ITPR3: variants seen among roughly 807,000 people sequenced by gnomAD.
ITPR3 encodes the protein inositol 1,4,5-trisphosphate receptor type 3.
Under a neutral mutation model 293.2 loss-of-function variants are expected in ITPR3, and 173 were observed. That is an observed-to-expected ratio of 0.59 (90% CI 0.52 to 0.67). The LOEUF (loss-of-function observed/expected upper bound fraction) is 0.67. Among genes scored for constraint, ITPR3 ranks in the 30% least tolerant of loss-of-function variants. The pLI, the probability that ITPR3 is intolerant of heterozygous loss-of-function variation, is 0.00. For synonymous variants in ITPR3, 1,295 were observed against 1,444.4 expected, an observed-to-expected ratio of 0.90 and a Z score of 2.35; for missense variants, 2,796 against 3,592.1, an observed-to-expected ratio of 0.78 and a Z score of 5.66.
chr6:33,670,283 G>T lies in ITPR3; in HGVS notation c.2190-42G>T, dbSNP rs368022335. 50 of 1,610,230 alleles carry T rather than the reference G, an allele frequency of 3.1e-5. No individual in the cohort carries two copies. Among genetic ancestry groups the T allele is most frequent in the Non-Finnish European group, 3.1e-5 (36 of 1,177,890 alleles). On this transcript the variant is annotated intron_variant, in intron 18 of 57. Coordinates refer to ENST00000605930, the MANE Select transcript of ITPR3 (RefSeq NM_002224.4). The surrounding 1 kb of genome is among the most constrained non-coding windows in gnomAD (Gnocchi z 6.7). ...AGTGCCCAGTGCCAGCAGCCTCCCGGCTGCCATCTGCCGTGTCCTCACAGT... is the reference window on the plus strand; with the variant it reads ...AGTGCCCAGTGCCAGCAGCCTCCCGTCTGCCATCTGCCGTGTCCTCACAGT...
chr6:33,630,962 G>A (rs541078120), intron 1 of ITPR3, among the ~76,000 whole-genome samples: 10 of 152,348 alleles, frequency 6.6e-5, no homozygotes, highest in Admixed American at 6.5e-4. Flanking sequence ...TTTCTCTGAT[G>A]AGCCAGGAGC....
chr6:33,670,224 C>A lies in ITPR3; in HGVS notation c.2190-101C>A, dbSNP rs1764718149. ...GCAGCTGGCGCATCTTTAACCTAAT[C>A]CCTTTGCCACTTTACTGAGTCCTCA... On this transcript the variant is annotated intron_variant, in intron 18 of 57. Coordinates refer to ENST00000605930, the MANE Select transcript of ITPR3 (RefSeq NM_002224.4). The surrounding 1 kb of genome is among the most constrained non-coding windows in gnomAD (Gnocchi z 6.7). The A allele has an allele frequency of 1.4e-5, 18 of 1,283,700 alleles. No individual in the cohort carries two copies. In the Admixed American group the frequency reaches 2.9e-4, roughly 21 times the overall value. The allele number at this position is 1,283,700 out of a possible 1,614,324, so 79.5% of individuals were successfully genotyped here.
intron 1 of ITPR3, among the ~76,000 whole-genome samples, chr6:33,635,539 G>A (rs1290677570): frequency 1.3e-5 from 2 of 152,214 alleles, no homozygotes; most frequent in Non-Finnish European, 2.9e-5. Flanking sequence ...CATGGGGTCA[G>A]GCTAAGGGAT....
chr6:33,668,766 G>T, intron 17 of ITPR3, 132 bp downstream of exon 17: 1 of 1,428,990 alleles, frequency 7.0e-7, no homozygotes. Flanking sequence ...CTCTGTGCCT[G>T]TTATGTGCCC....
Position 33,670,208 on chromosome 6 carries a change from G to T in ITPR3, c.2190-117G>T. 5.7e-6 allele frequency: 6 copies of T among 1,059,844 alleles called. No individual in the cohort carries two copies. Among genetic ancestry groups the T allele is most frequent in the Non-Finnish European group, 8.4e-6 (6 of 716,864 alleles). The allele number at this position is 1,059,844 out of a possible 1,614,324, so 65.7% of individuals were successfully genotyped here. A position where few individuals can be genotyped will look rare whatever the true frequency, so the allele number is the denominator to read the frequency against. On this transcript the variant is annotated intron_variant, in intron 18 of 57. Transcript: ENST00000605930. This position sits in a 1 kb window ranked among gnomAD's most constrained non-coding sequence, Gnocchi z 6.7. Reference sequence around the variant, plus strand: ...TTTCTAACTCAGAATTGCAGCTGGCGCATCTTTAACCTAATCCCTTTGCCA... The same window carrying T: ...TTTCTAACTCAGAATTGCAGCTGGCTCATCTTTAACCTAATCCCTTTGCCA...
In ITPR3 at chr6:33,632,496, C is replaced by A. The variant is rs1421155725; in HGVS notation, c.90-7988C>A. On this transcript the variant is annotated intron_variant, in intron 1 of 57. Coordinates refer to ENST00000605930, the MANE Select transcript of ITPR3 (RefSeq NM_002224.4). The surrounding 1 kb of genome is among the most constrained non-coding windows in gnomAD (Gnocchi z 4.1). ...AAAGTCCACGCAGGGTGGAATGGGGCAGAATGGGATGCAGCTGTCTTCCTC... is the reference window on the plus strand; with the variant it reads ...AAAGTCCACGCAGGGTGGAATGGGGAAGAATGGGATGCAGCTGTCTTCCTC... Among the ~76,000 whole-genome samples, 1 of 152,202 alleles carries A rather than the reference C, an allele frequency of 6.6e-6. No individual in the cohort carries two copies. The highest frequency in any genetic ancestry group is 2.4e-5 in the African/African-American group (1 of 41,450).
intron 2 of ITPR3, among the ~76,000 whole-genome samples, chr6:33,647,068 C>T (rs1336277059): frequency 1.3e-5 from 2 of 151,878 alleles, no homozygotes; most frequent in Non-Finnish European, 2.9e-5. Flanking sequence ...GCTTTGTTGC[C>T]CAGGTCAGAG....
Position 33,687,048 on chromosome 6 carries a change from C to T in ITPR3, c.6019C>T (p.Arg2007Trp), listed in dbSNP as rs577534374. ...SKLLLALMESRHDSENAERIL... is the reference protein window; with the variant it reads ...SKLLLALMESWHDSENAERIL... ...GCTGCTCCTGGCTCTGATGGAGAGCCGGCATGACAGTGAAAATGCTGAGCG... is the reference window on the plus strand; with the variant it reads ...GCTGCTCCTGGCTCTGATGGAGAGCTGGCATGACAGTGAAAATGCTGAGCG... The change falls in exon 44 of 58, where the codon CGG becomes TGG. Residue 2007 changes from arginine to tryptophan, a missense_variant. Coordinates refer to ENST00000605930, the MANE Select transcript of ITPR3 (RefSeq NM_002224.4). The surrounding 1 kb of genome is among the most constrained non-coding windows in gnomAD (Gnocchi z 5.3). 8.0e-5 allele frequency: 129 copies of T among 1,613,842 alleles called. 1 individual carries two copies. The South Asian group carries it at 8.0e-4, about 10-fold the overall frequency.
intron 30 of ITPR3, 21 bp downstream of exon 30, chr6:33,678,860 T>C (rs756628884): frequency 6.2e-7 from 1 of 1,601,162 alleles, no homozygotes; most frequent in South Asian, 1.1e-5. Flanking sequence ...GGCTGAGGGG[T>C]GCTCAGGCAT....
chr6:33,666,993 C>G lies in ITPR3; in HGVS notation c.1552-136C>G, dbSNP rs1764626376. On this transcript the variant is annotated intron_variant, in intron 14 of 57. Transcript: ENST00000605930. This position sits in a 1 kb window ranked among gnomAD's most constrained non-coding sequence, Gnocchi z 5.1. ...TGGCTGGGCTGGGGTTGTGGTCCAGCTTAGAATCAGCTCGAAGCTGATGTC... is the reference window on the plus strand; with the variant it reads ...TGGCTGGGCTGGGGTTGTGGTCCAGGTTAGAATCAGCTCGAAGCTGATGTC... 2 of 1,063,354 alleles carry G rather than the reference C, an allele frequency of 1.9e-6. No individual in the cohort carries two copies. Among genetic ancestry groups the G allele is most frequent in the Non-Finnish European group, 2.8e-6 (2 of 724,504 alleles). 65.9% of individuals were successfully genotyped at this position (1,063,354 alleles called of 1,614,324 possible).
chr6:33,689,782 C>G (rs759385697), intron 50 of ITPR3, among the ~76,000 whole-genome samples: 5 of 152,206 alleles, frequency 3.3e-5, no homozygotes, highest in Non-Finnish European at 5.9e-5. Context: ...CGAGGAATAC[C>G]TTTCCCTGAT....
At position 33,662,617 on chromosome 6, in the gene ITPR3, T is replaced by C. The variant is rs771271454; in HGVS notation, c.801T>C (p.Thr267=). The C allele has an allele frequency of 6.8e-6, 11 of 1,611,810 alleles. No individual in the cohort carries two copies. The Admixed American group carries it at 1.5e-4, about 22-fold the overall frequency. Residue 267 remains threonine (T), a synonymous_variant, in exon 8 of 58, where the codon ACT becomes ACC. Coordinates refer to ENST00000605930, the MANE Select transcript of ITPR3 (RefSeq NM_002224.4). ...GCAAGCTGCAGGTGTTCCTGCGAAC[T>C]ACACTGCGCCAGTCTGCCACCTCGG... ...YKGKLQVFLR[T]TLRQSATSAT...
Position 33,683,918 on chromosome 6 carries a change from C to CTG in ITPR3, c.4789-102_4789-101insTG. 1 of 1,323,480 alleles carries CTG rather than the reference C, an allele frequency of 7.6e-7. No individual in the cohort carries two copies. The highest frequency in any genetic ancestry group is 1.0e-6 in the Non-Finnish European group (1 of 964,826). 82.0% of individuals were successfully genotyped at this position (1,323,480 alleles called of 1,614,324 possible). A position where few individuals can be genotyped will look rare whatever the true frequency, so the allele number is the denominator to read the frequency against. On this transcript the variant is annotated intron_variant, in intron 35 of 57. Transcript: ENST00000605930. This position sits in a 1 kb window ranked among gnomAD's most constrained non-coding sequence, Gnocchi z 4.5. ...TGGGTGTGGGCCCCTCAGACAGAGG[C>CTG]AGGGCAATCTGTGGGGCTGTTTGGC... is the stretch of plus-strand genomic sequence containing the variant.
At position 33,670,431 on chromosome 6, in the gene ITPR3, G is replaced by T; in HGVS notation, c.2296G>T (p.Asp766Tyr). The T allele has an allele frequency of 6.2e-7, 1 of 1,614,112 alleles. No individual in the cohort carries two copies. The highest frequency in any genetic ancestry group is 8.5e-7 in the Non-Finnish European group (1 of 1,180,044). Residue 766 changes from aspartate (D) to tyrosine (Y), a missense_variant, in exon 19 of 58, where the codon GAC (aspartate) becomes TAC (tyrosine). By Grantham distance (160) the Asp-to-Tyr change is radical. This residue lies in a region of ITPR3 where 955 missense variants were observed against 1,180.8 expected (regional missense o/e 0.81). Coordinates refer to ENST00000605930, the MANE Select transcript of ITPR3 (RefSeq NM_002224.4). This position sits in a 1 kb window ranked among gnomAD's most constrained non-coding sequence, Gnocchi z 6.7. ...GVDLIFLCMADEMLPFDLRAS... is the reference protein window; with the variant it reads ...GVDLIFLCMAYEMLPFDLRAS... ...GGACCTGATTTTCCTGTGCATGGCA[G>T]ACGAGATGCTGCCCTTTGACCTGCG...
At chr6:33,631,549 G>A (rs1353177370) in intron 1 of ITPR3, among the ~76,000 whole-genome samples, 2 of 152,208 alleles carry the variant, frequency 1.3e-5, no homozygotes, top group Non-Finnish European at 2.9e-5. Context: ...GCTATCTACT[G>A]CGCTCTTCAA....
chr6:33,683,516 G>T lies in ITPR3; in HGVS notation c.4788+119G>T. 1 of 899,926 alleles carries T rather than the reference G, an allele frequency of 1.1e-6. No individual in the cohort carries two copies. Among genetic ancestry groups the T allele is most frequent in the Non-Finnish European group, 1.6e-6 (1 of 618,078 alleles). 55.7% of individuals were successfully genotyped at this position (899,926 alleles called of 1,614,324 possible). On this transcript the variant is annotated intron_variant, in intron 35 of 57. Coordinates refer to ENST00000605930, the MANE Select transcript of ITPR3 (RefSeq NM_002224.4). This position sits in a 1 kb window ranked among gnomAD's most constrained non-coding sequence, Gnocchi z 4.5. ...TCTTCCTGTCCTGCCCACACTTCCAGGAAGGGGCTGGTTGGCTTCTCTACA... is the reference window on the plus strand; with the variant it reads ...TCTTCCTGTCCTGCCCACACTTCCATGAAGGGGCTGGTTGGCTTCTCTACA...
rs1399552089 is a variant in ITPR3 at position 33,667,923 on chromosome 6, G to A, written c.1845G>A (p.Val615=). 1.2e-6 allele frequency: 2 copies of A among 1,614,100 alleles called. No homozygotes were observed. The highest frequency in any genetic ancestry group is 1.7e-6 in the Non-Finnish European group (2 of 1,180,046). ...AAAAGCACATCACCAAGACCGAGGT[G>A]GAGACCTTCGTCAGCCTTGTGCGCA... The part of the protein sequence containing the change: ...LLEKHITKTE[V]ETFVSLVRKN... Residue 615 remains valine (V), a synonymous_variant, in exon 16 of 58, where the codon GTG becomes GTA. Coordinates refer to ENST00000605930, the MANE Select transcript of ITPR3 (RefSeq NM_002224.4). This position sits in a 1 kb window ranked among gnomAD's most constrained non-coding sequence, Gnocchi z 4.4.
intron 7 of ITPR3, among the ~76,000 whole-genome samples, chr6:33,660,655 G>A (rs559621926): frequency 9.2e-5 from 14 of 152,288 alleles, no homozygotes; most frequent in South Asian, 2.1e-4. Context: ...TTGGCCGGGC[G>A]GGGTGGCTCA....
chr6:33,662,866 G>A (rs1764508942), intron 8 of ITPR3, 45 bp from the exon 9 acceptor site: 9 of 1,550,338 alleles, frequency 5.8e-6, no homozygotes, highest in Non-Finnish European at 7.9e-6. Context: ...GACTCCCCAT[G>A]CCTGTCCAGT....
Sources: gnomAD v4.1 joint callset for allele counts (sites outside exome capture counted in the v4.1 genomes callset) on GRCh38, gnomAD v4.1.1 for gene constraint, gnomAD v4.1.1 regional missense constraint, Gnocchi (gnomAD v3.1) non-coding constraint, MANE v1.5 for transcripts, NCBI Gene and HGNC (gene_info 2026-07-23, HGNC 2026-07-21) for gene names.